The following OPN5 variants were observed in gnomAD, a reference collection of about 807,000 sequenced individuals.
The protein encoded by OPN5 is opsin-5.
Under a neutral mutation model 41.7 loss-of-function variants are expected in OPN5, and 18 were observed. That is an observed-to-expected ratio of 0.43 (90% CI 0.30 to 0.64). OPN5 has a LOEUF of 0.64. Among genes scored for constraint, OPN5 ranks in the 30% least tolerant of loss-of-function variants. The probability of loss-of-function intolerance (pLI) is 0.13; values close to 1 mark genes in which losing one functional copy is unlikely to be tolerated. For synonymous variants in OPN5, 178 were observed against 164.3 expected (o/e 1.08, Z -0.64); for missense variants, 318 against 434.5 (o/e 0.73, Z 2.38).
intron 3 of OPN5, 78 bp downstream of exon 3, chr6:47,792,050 G>T: frequency 1.0e-6 from 1 of 964,812 alleles, no homozygotes; most frequent in Non-Finnish European, 1.6e-6. Flanking sequence ...ATTTTATGCA[G>T]GTAATAAACA....
intron 6 of OPN5, chr6:47,823,641 C>T (rs2114020669): frequency 2.4e-6 from 1 of 412,214 alleles, no homozygotes; most frequent in East Asian, 3.7e-5. Flanking sequence ...TCCTGCAAGG[C>T]CTTACAGGTT....
chr6:47,792,255 T>A (rs1401325700), intron 3 of OPN5, among the ~76,000 whole-genome samples: 2 of 152,212 alleles, frequency 1.3e-5, no homozygotes, highest in African/African-American at 2.4e-5. Flanking sequence ...TTCCATCATG[T>A]TTCCCACGCA....
In OPN5 at chr6:47,815,074, A is replaced by G. The variant is rs182931475; in HGVS notation, c.1056+3343A>G. ...TGTAAAATGGAAATTGAGAGTAGAA[A>G]TGCCCTACTAACTTGAAAAGTTGGA... On this transcript the variant is annotated intron_variant, in intron 6 of 6. Coordinates refer to ENST00000371211, the Ensembl canonical transcript of OPN5. 3.4e-4 allele frequency among the ~76,000 whole-genome samples: 52 copies of G among 152,290 alleles called. No homozygotes were observed. The East Asian group carries it at 9.1e-3, about 27-fold the overall frequency.
At chr6:47,820,940 A>T (rs1239377948) in intron 6 of OPN5, among the ~76,000 whole-genome samples, 1 of 152,230 alleles carries the variant, frequency 6.6e-6, no homozygotes, top group Non-Finnish European at 1.5e-5. Context: ...TTTATATGTT[A>T]TATGTATTAT....
At chr6:47,801,508 T>C (rs376993305) in intron 4 of OPN5, among the ~76,000 whole-genome samples, 24 of 152,308 alleles carry the variant, frequency 1.6e-4, no homozygotes, top group African/African-American at 5.8e-4. Flanking sequence ...ACCCCCTGTG[T>C]GGACTCTAAG....
At chr6:47,810,435 CA>C (rs1392840740) in intron 5 of OPN5, among the ~76,000 whole-genome samples, 3 of 151,530 alleles carry the variant, frequency 2.0e-5, no homozygotes, top group African/African-American at 7.3e-5. Flanking sequence ...AGAAGTTATG[CA>C]AGTGAGTAAT....
At chr6:47,819,233 T>A (rs949472599) in intron 6 of OPN5, among the ~76,000 whole-genome samples, 1 of 150,214 alleles carries the variant, frequency 6.7e-6, no homozygotes, top group African/African-American at 2.4e-5. Context: ...CACAAGAATA[T>A]GTGGCTGTTG....
intron 6 of OPN5, among the ~76,000 whole-genome samples, chr6:47,822,637 A>G (rs951239680): frequency 3.3e-5 from 5 of 152,200 alleles, no homozygotes; most frequent in African/African-American, 4.8e-5. Flanking sequence ...GGTATGTAAC[A>G]GGGTGTATTT....
intron 6 of OPN5, among the ~76,000 whole-genome samples, chr6:47,818,652 T>C (rs522065): frequency 0.99 from 151,255 of 152,288 alleles, 75,124 homozygotes; most frequent in East Asian, 1. Context: ...TGATATCTCT[T>C]CAAAGCATGG....
intron 5 of OPN5, among the ~76,000 whole-genome samples, chr6:47,809,578 T>C (rs1388548931): frequency 6.6e-6 from 1 of 152,192 alleles, no homozygotes; most frequent in Non-Finnish European, 1.5e-5. Flanking sequence ...GCTCTATATC[T>C]TTGAACAAAT....
chr6:47,803,612 G>A (rs1056810458), intron 4 of OPN5, among the ~76,000 whole-genome samples: 2 of 152,080 alleles, frequency 1.3e-5, no homozygotes, highest in African/African-American at 4.8e-5. Context: ...TTATTGATGG[G>A]GAACTTATTT....
intron 6 of OPN5, among the ~76,000 whole-genome samples, chr6:47,813,802 G>T (rs1048792308): frequency 6.6e-6 from 1 of 152,064 alleles, no homozygotes; most frequent in Admixed American, 6.6e-5. Context: ...CAAAAAAGTG[G>T]TAATTGATTA....
intron 5 of OPN5, among the ~76,000 whole-genome samples, chr6:47,809,064 T>G (rs1774088955): frequency 6.6e-6 from 1 of 152,132 alleles, no homozygotes; most frequent in Non-Finnish European, 1.5e-5. Context: ...TGCTACACAG[T>G]GAAAAGAGTT....
chr6:47,791,643 G>A (rs1193679844), intron 2 of OPN5, among the ~76,000 whole-genome samples, 159 bp from the exon 3 acceptor site: 1 of 152,190 alleles, frequency 6.6e-6, no homozygotes, highest in Admixed American at 6.5e-5. Context: ...ATAGATAACT[G>A]CTGGGCTTTT....
At chr6:47,789,762 G>T (rs1349175759) in intron 2 of OPN5, among the ~76,000 whole-genome samples, 3 of 152,148 alleles carry the variant, frequency 2.0e-5, no homozygotes, top group African/African-American at 7.2e-5. Flanking sequence ...AACCATAGAG[G>T]AACACACCTG....
At chr6:47,822,723 T>G (rs1762667275) in intron 6 of OPN5, among the ~76,000 whole-genome samples, 1 of 152,206 alleles carries the variant, frequency 6.6e-6, no homozygotes. Flanking sequence ...GAGTCTGTTC[T>G]GTAGGCAGAT....
chr6:47,795,058 G>T (rs1773497910), intron 3 of OPN5, 171 bp from the exon 4 acceptor site: 4 of 562,814 alleles, frequency 7.1e-6, no homozygotes, highest in Non-Finnish European at 9.3e-6. Flanking sequence ...AAAGGCCCAA[G>T]CTCTGGAACT....
At chr6:47,807,169 G>A (rs1023308763) in intron 4 of OPN5, among the ~76,000 whole-genome samples, 4 of 152,036 alleles carry the variant, frequency 2.6e-5, no homozygotes, top group Admixed American at 6.6e-5. Context: ...AAAAAGAAAC[G>A]CCCCAATTTG....
At chr6:47,814,558 G>A (rs1762373393) in intron 6 of OPN5, among the ~76,000 whole-genome samples, 1 of 152,112 alleles carries the variant, frequency 6.6e-6, no homozygotes, top group African/African-American at 2.4e-5. Flanking sequence ...AATAATCTGA[G>A]AGCTGGGAGG....
Sources: allele counts gnomAD v4.1 joint callset (sites outside exome capture counted in the v4.1 genomes callset), GRCh38; gene constraint gnomAD v4.1.1; transcripts MANE v1.5; gene names NCBI Gene and HGNC (gene_info 2026-07-23, HGNC 2026-07-21).